The following MYOT variants were observed in gnomAD, a reference collection of about 807,000 sequenced individuals.
MYOT encodes the protein 57 kDa cytoskeletal protein.
Under a neutral mutation model 58.0 loss-of-function variants are expected in MYOT, and 36 were observed. The ratio of observed to expected loss-of-function variants is 0.62; its 90% confidence interval spans 0.48 to 0.82. MYOT has a LOEUF of 0.82. Ranked by LOEUF, MYOT falls within the 40% of genes least tolerant of loss-of-function variation. The pLI, the probability that MYOT is intolerant of heterozygous loss-of-function variation, is 0.00. For synonymous variants in MYOT, 218 were observed against 204.6 expected (o/e 1.07, Z -0.56); for missense variants, 505 against 592.1 (o/e 0.85, Z 1.53).
In MYOT at chr5:137,886,948, A is replaced by G. The variant is rs140678912; in HGVS notation, c.1275A>G (p.Ala425=). ...ATGCTGGGTGGTATACTGTGTCAGC[A>G]GTTAATGAAGCTGGAGTGACTACAT... ...KKDAGWYTVS[A]VNEAGVTTCN... Residue 425 remains alanine, a synonymous_variant, in exon 9 of 10, where the codon GCA becomes GCG. Coordinates refer to ENST00000239926, the MANE Select transcript of MYOT (RefSeq NM_006790.3). 59 of 1,613,136 alleles carry G rather than the reference A, an allele frequency of 3.7e-5. No homozygotes were observed. The Admixed American group carries it at 5.5e-4, about 15-fold the overall frequency.
At chr5:137,885,771 C>CAAAAAAAAAAAAA (rs71583286) in intron 7 of MYOT, among the ~76,000 whole-genome samples, 3 of 30,976 alleles carry the variant, frequency 9.7e-5, no homozygotes, top group Non-Finnish European at 1.8e-4. Flanking sequence ...GACTCTGTCT[C>CAAAAAAAAAAAAA]AAAAAAAAAA....
intron 1 of MYOT, among the ~76,000 whole-genome samples, chr5:137,868,633 AAAAG>A (rs1168786999): frequency 6.6e-6 from 1 of 152,218 alleles, no homozygotes; most frequent in Non-Finnish European, 1.5e-5. Flanking sequence ...TGTAAAGAAA[AAAAG>A]AGAACTGTTT....
At chr5:137,868,623 T>TGTAAAGAA (rs1300875983) in intron 1 of MYOT, among the ~76,000 whole-genome samples, 1 of 152,140 alleles carries the variant, frequency 6.6e-6, no homozygotes, top group African/African-American at 2.4e-5. Context: ...TGAAAATATA[T>TGTAAAGAA]GTAAAGAAAA....
chr5:137,870,127 A>G (rs938642237), intron 1 of MYOT, among the ~76,000 whole-genome samples: 2 of 126,644 alleles, frequency 1.6e-5, no homozygotes, highest in African/African-American at 6.7e-5. Context: ...TGTCTCTACT[A>G]AAAAAAAAAA....
chr5:137,877,508 A>C lies in MYOT; in HGVS notation c.532-12A>C. On this transcript the variant is annotated splice_polypyrimidine_tract_variant and intron_variant, in intron 3 of 9. Transcript: ENST00000239926. ...ATTAAATCTAATTACTGTCTCAATA[A>C]ATTCTCTAAAGCGTCTAACATATGA... 1 of 1,581,348 alleles carries C rather than the reference A, an allele frequency of 6.3e-7. No individual in the cohort carries two copies. The highest frequency in any genetic ancestry group is 8.7e-7 in the Non-Finnish European group (1 of 1,150,116).
Position 137,871,048 on chromosome 5 carries a change from A to G in MYOT, c.356+41A>G. 1.3e-6 allele frequency: 2 copies of G among 1,559,676 alleles called. 1 individual carries two copies. Among genetic ancestry groups the G allele is most frequent in the African/African-American group, 2.7e-5 (2 of 73,682 alleles). ...TATACCGCATGTACAGTGAACTTAT[A>G]TCTGAGGAGTTTGCGAGGGGGTAGG... On this transcript the variant is annotated intron_variant, in intron 2 of 9. Transcript: ENST00000239926.
At position 137,883,753 on chromosome 5, in the gene MYOT, T is replaced by C. The variant is rs988267189; in HGVS notation, c.1024+162T>C. The C allele has an allele frequency of 1.7e-4, 110 of 643,668 alleles. No individual in the cohort carries two copies. In the East Asian group the frequency reaches 2.5e-3, roughly 15 times the overall value. 39.9% of individuals were successfully genotyped at this position (643,668 alleles called of 1,614,324 possible). ...TATCTACAAACCACAGGAAAAAATA[T>C]ATATATATACACACACATACATACA... On this transcript the variant is annotated intron_variant, in intron 7 of 9. Transcript: ENST00000239926.
chr5:137,875,913 T>C lies in MYOT; in HGVS notation c.441T>C (p.Asp147=), dbSNP rs1232388238. 1.2e-6 allele frequency: 2 copies of C among 1,614,050 alleles called. No homozygotes were observed. Among genetic ancestry groups the C allele is most frequent in the Middle Eastern group, 1.7e-4 (1 of 6,060 alleles). The change falls in exon 3 of 10, where the codon GAT becomes GAC. Residue 147 remains aspartate (D), a synonymous_variant. Coordinates refer to ENST00000239926, the MANE Select transcript of MYOT (RefSeq NM_006790.3). The part of the protein sequence containing the change: ...ANAKPIPRTP[D]HEIQGSKEAL... ...CTAAGCCCATACCAAGAACTCCTGA[T>C]CATGAAATACAAGGATCAAAAGAAG...
chr5:137,874,731 C>A (rs1486619358), intron 2 of MYOT, among the ~76,000 whole-genome samples: 1 of 152,150 alleles, frequency 6.6e-6, no homozygotes, highest in Non-Finnish European at 1.5e-5. Context: ...TTTCTTTCTC[C>A]TTCCTCAAAT....
intron 7 of MYOT, among the ~76,000 whole-genome samples, chr5:137,885,677 CAGG>C (rs1156641385): frequency 1.4e-5 from 2 of 144,416 alleles, no homozygotes; most frequent in African/African-American, 5.1e-5. Context: ...GAGGCTGTGG[CAGG>C]AGACTTCCTT....
intron 6 of MYOT, 48 bp from the exon 7 acceptor site, chr5:137,883,336 G>T: frequency 6.8e-7 from 1 of 1,472,298 alleles, no homozygotes; most frequent in Non-Finnish European, 9.5e-7. Context: ...AGGTTTCAGT[G>T]ATGCAATACT....
At chr5:137,879,147 G>C (rs1211174539) in intron 4 of MYOT, among the ~76,000 whole-genome samples, 1 of 152,052 alleles carries the variant, frequency 6.6e-6, no homozygotes, top group East Asian at 1.9e-4. Context: ...TGTTACCCAG[G>C]CTGGTCTCAA....
chr5:137,868,968 T>C (rs996941452), intron 1 of MYOT, among the ~76,000 whole-genome samples: 7 of 152,234 alleles, frequency 4.6e-5, no homozygotes, highest in Non-Finnish European at 1.0e-4. Context: ...GTATTCTTTC[T>C]CAATAGCGTC....
At chr5:137,886,592 C>T (rs879648495) in intron 8 of MYOT, 2 of 482,704 alleles carry the variant, frequency 4.1e-6, no homozygotes, top group Non-Finnish European at 7.7e-6. Flanking sequence ...CAGGTCAGGA[C>T]CCCTCCATTC....
At chr5:137,885,736 C>A (rs931358919) in intron 7 of MYOT, among the ~76,000 whole-genome samples, 22 of 131,098 alleles carry the variant, frequency 1.7e-4, no homozygotes, top group African/African-American at 5.1e-4. Context: ...CACGCCACTG[C>A]GCTCCAGCCT....
At chr5:137,881,332 T>C (rs1226779242) in intron 5 of MYOT, among the ~76,000 whole-genome samples, 1 of 152,234 alleles carries the variant, frequency 6.6e-6, no homozygotes, top group Non-Finnish European at 1.5e-5. Flanking sequence ...TTCATTGTTA[T>C]TACACTATCA....
chr5:137,871,436 G>A (rs761036097), intron 2 of MYOT, among the ~76,000 whole-genome samples: 2 of 152,190 alleles, frequency 1.3e-5, no homozygotes, highest in Non-Finnish European at 2.9e-5. Flanking sequence ...CACATAAGCA[G>A]AGGCTATTAA....
At chr5:137,877,712 A>G in intron 4 of MYOT, 91 bp downstream of exon 4, 1 of 954,180 alleles carries the variant, frequency 1.0e-6, no homozygotes, top group Non-Finnish European at 1.7e-6. Flanking sequence ...CATCTGAAAT[A>G]AAAGTCGGTC....
At chr5:137,876,163 G>A in intron 3 of MYOT, 160 bp downstream of exon 3, 1 of 711,280 alleles carries the variant, frequency 1.4e-6, no homozygotes, top group Non-Finnish European at 2.3e-6. Context: ...CTCTCTGCAT[G>A]AAATCACCTC....
Sources: allele counts gnomAD v4.1 joint callset (sites outside exome capture counted in the v4.1 genomes callset), GRCh38; gene constraint gnomAD v4.1.1; transcripts MANE v1.5; gene names NCBI Gene and HGNC (gene_info 2026-07-23, HGNC 2026-07-21).